CDC42SE2: variants seen among roughly 807,000 people sequenced by gnomAD.
CDC42SE2 encodes CDC42 small effector protein 2.
CDC42SE2 carries 3 observed loss-of-function variants against 11.5 expected under a neutral mutation model. The observed-to-expected ratio is 0.26, with a 90% CI of 0.12 to 0.67. The LOEUF (loss-of-function observed/expected upper bound fraction) is 0.67. Among genes scored for constraint, CDC42SE2 ranks in the 30% least tolerant of loss-of-function variants. CDC42SE2 has a pLI of 0.80. For synonymous variants in CDC42SE2, 33 were observed against 34.8 expected (o/e 0.95, Z 0.18); for missense variants, 82 against 106.8 (o/e 0.77, Z 1.02).
chr5:131,286,391 T>TG (rs1757341152), intron 1 of CDC42SE2, among the ~76,000 whole-genome samples: 1 of 148,214 alleles, frequency 6.7e-6, no homozygotes, highest in Non-Finnish European at 1.5e-5. Flanking sequence ...GCCAGTTTTT[T>TG]TTTTTTTTTT....
chr5:131,355,307 T>C (rs1019305764), intron 2 of CDC42SE2, among the ~76,000 whole-genome samples: 1 of 152,028 alleles, frequency 6.6e-6, no homozygotes, highest in Non-Finnish European at 1.5e-5. Context: ...TGAGACCCTG[T>C]CTCTATAAAA....
chr5:131,229,890 C>T, the CDC42SE2 span, among the ~76,000 whole-genome samples: 787 of 152,186 alleles, frequency 5.2e-3, 12 homozygotes, highest in African/African-American at 0.018. Context: ...GTCAAGATTA[C>T]GCCACTGCAC....
At chr5:131,377,449 G>A (rs1450078739) in intron 3 of CDC42SE2, among the ~76,000 whole-genome samples, 1 of 152,156 alleles carries the variant, frequency 6.6e-6, no homozygotes, top group Non-Finnish European at 1.5e-5. Flanking sequence ...GCTTACAGGC[G>A]TGAGCCACCA....
intron 2 of CDC42SE2, among the ~76,000 whole-genome samples, chr5:131,355,092 T>G (rs1749493179): frequency 6.6e-6 from 1 of 152,136 alleles, no homozygotes; most frequent in Non-Finnish European, 1.5e-5. Flanking sequence ...AGCAAGTATT[T>G]CAAACTACAA....
intron 2 of CDC42SE2, among the ~76,000 whole-genome samples, chr5:131,347,016 A>C (rs1260384860): frequency 6.6e-6 from 1 of 152,236 alleles, no homozygotes; most frequent in African/African-American, 2.4e-5. Flanking sequence ...AGGGAAATTT[A>C]TAGCACTAAA....
intron 1 of CDC42SE2, among the ~76,000 whole-genome samples, chr5:131,275,484 A>G (rs956102273): frequency 6.6e-6 from 1 of 151,768 alleles, no homozygotes; most frequent in Non-Finnish European, 1.5e-5. Context: ...AGTAGGGACC[A>G]GGTTTCACCA....
intron 2 of CDC42SE2, among the ~76,000 whole-genome samples, chr5:131,350,593 C>G (rs116718443): frequency 0.011 from 1,657 of 149,050 alleles, 22 homozygotes; most frequent in African/African-American, 0.039. Context: ...AAAAGTGATA[C>G]AACAAAATTT....
At chr5:131,308,471 A>G (rs528699437) in intron 1 of CDC42SE2, among the ~76,000 whole-genome samples, 2 of 152,028 alleles carry the variant, frequency 1.3e-5, no homozygotes, top group South Asian at 2.1e-4. Context: ...GTTTTTTCCA[A>G]TTCTGTGAAG....
chr5:131,369,426 G>A (rs1050000267), intron 3 of CDC42SE2, among the ~76,000 whole-genome samples: 1 of 151,982 alleles, frequency 6.6e-6, no homozygotes, highest in African/African-American at 2.4e-5. Context: ...GTTTTTCTAG[G>A]GTATATACCT....
intron 2 of CDC42SE2, among the ~76,000 whole-genome samples, chr5:131,321,634 T>C (rs1227997169): frequency 1.3e-5 from 2 of 152,128 alleles, no homozygotes; most frequent in Non-Finnish European, 2.9e-5. Context: ...TGTGAAAGGC[T>C]ACACAAGAAG....
rs1757268392 is a variant in CDC42SE2, at chr5:131,282,961, C to T, written c.-455+18795C>T. On this transcript the variant is annotated intron_variant, in intron 1 of 4. Coordinates refer to ENST00000505065, the MANE Select transcript of CDC42SE2 (RefSeq NM_001375635.1). ...TTTTTTTTTAAGATGGAGGTTCACTCTTGTTGCCCAGGCTGGAGTGCAGTG... is the reference window on the plus strand; with the variant it reads ...TTTTTTTTTAAGATGGAGGTTCACTTTTGTTGCCCAGGCTGGAGTGCAGTG... Among the ~76,000 whole-genome samples, 4 of 127,092 alleles carry T rather than the reference C, an allele frequency of 3.1e-5. No individual in the cohort carries two copies. The South Asian group carries it at 1.1e-3, about 35-fold the overall frequency. 83.4% of individuals were successfully genotyped at this position (127,092 alleles called of 152,430 possible). A position where few individuals can be genotyped will look rare whatever the true frequency, so the allele number is the denominator to read the frequency against.
intron 3 of CDC42SE2, among the ~76,000 whole-genome samples, chr5:131,379,873 C>T (rs144766161): frequency 6.6e-4 from 101 of 152,228 alleles, no homozygotes; most frequent in African/African-American, 2.3e-3. Context: ...TTTTTCTTTG[C>T]GGAGGTCTGA....
In CDC42SE2 at chr5:131,287,148, C is replaced by G. The variant is rs570807955; in HGVS notation, c.-455+22982C>G. Among the ~76,000 whole-genome samples the G allele has an allele frequency of 2.0e-4, 31 of 152,258 alleles. No homozygotes were observed. The South Asian group carries it at 6.4e-3, about 32-fold the overall frequency. On this transcript the variant is annotated intron_variant, in intron 1 of 4. Transcript: ENST00000505065. Reference sequence around the variant, plus strand: ...TAGCTGGGATTATAGGGGCCCGCCACCATGCCCAGCTAATTTTTGTATTTT... The same window carrying G: ...TAGCTGGGATTATAGGGGCCCGCCAGCATGCCCAGCTAATTTTTGTATTTT...
At chr5:131,306,060 C>T (rs935837861) in intron 1 of CDC42SE2, among the ~76,000 whole-genome samples, 5 of 152,260 alleles carry the variant, frequency 3.3e-5, no homozygotes, top group Admixed American at 1.3e-4. Context: ...CTTGGTCAAC[C>T]ATGATCTGAA....
At chr5:131,374,847 T>A (rs988489290) in intron 3 of CDC42SE2, among the ~76,000 whole-genome samples, 1 of 152,148 alleles carries the variant, frequency 6.6e-6, no homozygotes, top group Non-Finnish European at 1.5e-5. Flanking sequence ...TGATTTTAGT[T>A]AGCTGTGGGA....
chr5:131,247,914 T>C (rs1247045733), intron 1 of CDC42SE2, among the ~76,000 whole-genome samples: 1 of 152,084 alleles, frequency 6.6e-6, no homozygotes, highest in African/African-American at 2.4e-5. Flanking sequence ...GTCTGGGGAT[T>C]ACAGCCATGA....
the CDC42SE2 span, among the ~76,000 whole-genome samples, chr5:131,237,246 C>T: frequency 1.3e-5 from 2 of 152,242 alleles, no homozygotes; most frequent in South Asian, 4.1e-4. Context: ...CAGACTGCCT[C>T]AATCAGCTTG....
intron 2 of CDC42SE2, among the ~76,000 whole-genome samples, chr5:131,325,569 C>T (rs1197425208): frequency 2.6e-5 from 4 of 151,592 alleles, no homozygotes; most frequent in Non-Finnish European, 5.9e-5. Context: ...ACACTCATAG[C>T]AAATGGTATA....
chr5:131,319,009 C>T (rs923114949), intron 2 of CDC42SE2, among the ~76,000 whole-genome samples: 2 of 152,168 alleles, frequency 1.3e-5, no homozygotes, highest in African/African-American at 4.8e-5. Flanking sequence ...TCAAGCGATT[C>T]TCCTGCTTCA....
Sources: gnomAD v4.1 joint callset for allele counts (sites outside exome capture counted in the v4.1 genomes callset) on GRCh38, gnomAD v4.1.1 for gene constraint, MANE v1.5 for transcripts, NCBI Gene and HGNC (gene_info 2026-07-23, HGNC 2026-07-21) for gene names.